The following LYST variants were observed in gnomAD, a reference collection of about 807,000 sequenced individuals.
The protein encoded by LYST is lysosomal trafficking regulator, also known as lysosomal-trafficking regulator.
In LYST, 192 loss-of-function variants were observed where a neutral mutation model predicts 413.6. The ratio of observed to expected loss-of-function variants is 0.46; its 90% CI spans 0.41 to 0.52. The LOEUF is 0.52. LYST is among the 20% of genes least tolerant of loss of function. The pLI is 0.00. For missense variants in LYST, 3,815 were observed against 4,499.9 expected, an observed-to-expected ratio of 0.85 and a Z score of 4.35; for synonymous variants, 1,525 against 1,567.3, an observed-to-expected ratio of 0.97 and a Z score of 0.64.
intron 50 of LYST, among the ~76,000 whole-genome samples, chr1:235,667,365 T>C (rs1044306052): frequency 6.6e-6 from 1 of 152,190 alleles, no homozygotes; most frequent in South Asian, 2.1e-4. Context: ...TAAACACACA[T>C]ACAACCCCCC....
At chr1:235,678,491 C>T (rs1659563169) in intron 48 of LYST, among the ~76,000 whole-genome samples, 3 of 152,140 alleles carry the variant, frequency 2.0e-5, no homozygotes, top group African/African-American at 2.4e-5. Context: ...CACTGGCTCA[C>T]GGATACCAGA....
chr1:235,857,184 C>G (rs59441425), intron 1 of LYST, among the ~76,000 whole-genome samples: 9,320 of 151,928 alleles, frequency 0.061, 950 homozygotes, highest in African/African-American at 0.21. Flanking sequence ...AGGCATAAAC[C>G]AGAGCCATCT....
intron 3 of LYST, among the ~76,000 whole-genome samples, chr1:235,823,577 C>T (rs1462039558): frequency 6.6e-6 from 1 of 152,256 alleles, no homozygotes; most frequent in African/African-American, 2.4e-5. Flanking sequence ...CTTGCCATGT[C>T]ATGGCCTCTG....
chr1:235,699,392 C>G (rs1352944861), intron 45 of LYST, among the ~76,000 whole-genome samples: 1 of 152,176 alleles, frequency 6.6e-6, no homozygotes, highest in Admixed American at 6.5e-5. Flanking sequence ...CCAGCTTCAT[C>G]CATGTCCCTG....
At chr1:235,723,866 C>G (rs1448820247) in intron 39 of LYST, among the ~76,000 whole-genome samples, 162 bp downstream of exon 39, 1 of 152,130 alleles carries the variant, frequency 6.6e-6, no homozygotes, top group Non-Finnish European at 1.5e-5. Flanking sequence ...CTGTGGAGGT[C>G]AAAGACAATC....
At chr1:235,735,606 A>G (rs1664754703) in intron 31 of LYST, 1 of 152,176 alleles carries the variant, frequency 6.6e-6, no homozygotes, top group Admixed American at 6.5e-5. Context: ...AGTTAAACAT[A>G]TATATTTTAC....
chr1:235,802,027 C>G (rs779611716), intron 8 of LYST, among the ~76,000 whole-genome samples: 8 of 151,976 alleles, frequency 5.3e-5, no homozygotes, highest in Non-Finnish European at 1.2e-4. Context: ...AACCCCATCT[C>G]TACTAAAAAT....
In LYST at chr1:235,854,466, T is replaced by C. The variant is rs1305061547; in HGVS notation, c.-98+12377A>G. Among the ~76,000 whole-genome samples, 1 of 152,164 alleles carries C rather than the reference T, an allele frequency of 6.6e-6. No homozygotes were observed. Among genetic ancestry groups the C allele is most frequent in the African/African-American group, 2.4e-5 (1 of 41,424 alleles). On this transcript the variant is annotated intron_variant, in intron 1 of 52. Transcript: ENST00000389793. This position sits in a 1 kb window ranked among gnomAD's most constrained non-coding sequence, Gnocchi z 4.1. ...CTTTCAGTAAATGGCCTCTACCCAG[T>C]GACTGAGGTGAGAAACCAGAATAGC...
Position 235,677,466 on chromosome 1 carries a change from A to G in LYST, c.10940+14T>C. Reference sequence around the variant, plus strand: ...TAAAAATGCTATGTTTGATTTGGAGACCTTCTTCTGTACCTGTTTAAATCC... The same window carrying G: ...TAAAAATGCTATGTTTGATTTGGAGGCCTTCTTCTGTACCTGTTTAAATCC... On this transcript the variant is annotated intron_variant, in intron 49 of 52. Transcript: ENST00000389793. The G allele has an allele frequency of 6.2e-7, 1 of 1,613,068 alleles. No individual in the cohort carries two copies. Among genetic ancestry groups the G allele is most frequent in the South Asian group, 1.1e-5 (1 of 91,054 alleles).
chr1:235,752,869 CT>C (rs201043240), intron 26 of LYST, among the ~76,000 whole-genome samples, 174 bp downstream of exon 26: 2 of 150,762 alleles, frequency 1.3e-5, no homozygotes, highest in South Asian at 2.1e-4. Flanking sequence ...CAATTTCTTG[CT>C]TTTTTTTTCT....
At chr1:235,697,534 G>A (rs920407451) in intron 45 of LYST, among the ~76,000 whole-genome samples, 7 of 152,024 alleles carry the variant, frequency 4.6e-5, no homozygotes, top group African/African-American at 1.7e-4. Context: ...CTTGAAATTT[G>A]AGCAGAGAAA....
intron 45 of LYST, among the ~76,000 whole-genome samples, chr1:235,701,624 CTCAATCAA>C (rs368465866): frequency 4.6e-5 from 7 of 152,010 alleles, no homozygotes; most frequent in Admixed American, 2.0e-4. Flanking sequence ...CGAGACTCAT[CTCAATCAA>C]TCAATCAATC....
intron 1 of LYST, among the ~76,000 whole-genome samples, chr1:235,880,303 G>A (rs576420106): frequency 1.1e-4 from 17 of 152,148 alleles, no homozygotes; most frequent in Non-Finnish European, 2.1e-4. Context: ...GCCTTATACT[G>A]CCTTCCCTTG....
At chr1:235,838,078 T>C (rs147231857) in intron 1 of LYST, among the ~76,000 whole-genome samples, 4 of 152,194 alleles carry the variant, frequency 2.6e-5, no homozygotes, top group Admixed American at 1.3e-4. Flanking sequence ...AATACGAGTA[T>C]AGATGTAGGA....
At chr1:235,795,003 G>A (rs1671406244) in intron 10 of LYST, among the ~76,000 whole-genome samples, 1 of 152,110 alleles carries the variant, frequency 6.6e-6, no homozygotes, top group Non-Finnish European at 1.5e-5. Context: ...AGTGGGCATT[G>A]GGGCACATCT....
At chr1:235,761,858 C>A (rs886097993) in intron 22 of LYST, among the ~76,000 whole-genome samples, 1 of 150,630 alleles carries the variant, frequency 6.6e-6, no homozygotes, top group East Asian at 2.0e-4. Flanking sequence ...TGTCAGAACT[C>A]CCCCAAAGGA....
At chr1:235,772,912 TG>T (rs1237558461) in intron 19 of LYST, among the ~76,000 whole-genome samples, 7 of 152,234 alleles carry the variant, frequency 4.6e-5, no homozygotes, top group Non-Finnish European at 5.9e-5. Context: ...TCCCCATGGC[TG>T]TTCAAAACTT....
chr1:235,800,240 A>G, intron 10 of LYST, 80 bp downstream of exon 10: 1 of 965,580 alleles, frequency 1.0e-6, no homozygotes, highest in Non-Finnish European at 1.7e-6. Context: ...ATGAGCCACC[A>G]CACCTGGCCA....
intron 47 of LYST, among the ~76,000 whole-genome samples, chr1:235,692,187 G>T (rs1247698383): frequency 6.6e-6 from 1 of 151,266 alleles, no homozygotes; most frequent in African/African-American, 2.4e-5. Context: ...ACAAAAATTA[G>T]CCAAGTGTGG....
Sources: allele counts gnomAD v4.1 joint callset (sites outside exome capture counted in the v4.1 genomes callset), GRCh38; gene constraint gnomAD v4.1.1; non-coding constraint Gnocchi (gnomAD v3.1); transcripts MANE v1.5; gene names NCBI Gene and HGNC (gene_info 2026-07-23, HGNC 2026-07-21).